NEBL: variants seen among roughly 807,000 people sequenced by gnomAD.
The protein encoded by NEBL is nebulette.
Under a neutral mutation model 140.2 loss-of-function variants are expected in NEBL, and 122 were observed. That is an observed-to-expected ratio of 0.87 (90% CI 0.75 to 1.01). NEBL has a LOEUF of 1.01. NEBL is among the 50% of genes least tolerant of loss of function. The pLI, the probability that NEBL is intolerant of heterozygous loss-of-function variation, is 0.00. For synonymous variants in NEBL, 436 were observed against 398.9 expected, an observed-to-expected ratio of 1.09 and a Z score of -1.11; for missense variants, 1,365 against 1,231.3, an observed-to-expected ratio of 1.11 and a Z score of -1.62.
intron 2 of NEBL, among the ~76,000 whole-genome samples, chr10:21,127,501 T>C (rs1436182539): frequency 1.3e-5 from 2 of 151,974 alleles, no homozygotes; most frequent in Non-Finnish European, 2.9e-5. Context: ...ACAGATACTA[T>C]GTCTCTCCCA....
intron 3 of NEBL, among the ~76,000 whole-genome samples, chr10:21,000,237 G>A (rs1198806809): frequency 9.8e-5 from 13 of 132,602 alleles, no homozygotes; most frequent in East Asian, 2.7e-4. Context: ...CCAGAGGGGG[G>A]CAGAGGGAGC....
chr10:20,842,253 G>C (rs537227164), intron 12 of NEBL, among the ~76,000 whole-genome samples: 2 of 152,160 alleles, frequency 1.3e-5, no homozygotes, highest in East Asian at 1.9e-4. Flanking sequence ...CAAATGACCC[G>C]AGTGAAAGTC....
At chr10:21,184,569 C>T (rs958502112) in intron 3 of NEBL, among the ~76,000 whole-genome samples, 4 of 152,120 alleles carry the variant, frequency 2.6e-5, no homozygotes, top group Non-Finnish European at 5.9e-5. Flanking sequence ...GAGAAAAGAG[C>T]CTTCATTATA....
Position 21,223,856 on chromosome 10 carries a change from G to A in NEBL, n.348+24065C>T, listed in dbSNP as rs189740663. ...TCTTCTTTTGAGAAATGTCTATTCCGATCTTTCACTCATTTTTAATTGAAT... is the reference window on the plus strand; with the variant it reads ...TCTTCTTTTGAGAAATGTCTATTCCAATCTTTCACTCATTTTTAATTGAAT... On this transcript the variant is annotated intron_variant and non_coding_transcript_variant, in intron 3 of 8. Coordinates refer to the NEBL transcript ENST00000675702. Among the ~76,000 whole-genome samples, 881 of 152,158 alleles carry A rather than the reference G, an allele frequency of 5.8e-3. 7 individuals carry two copies. Among genetic ancestry groups the A allele is most frequent in the Non-Finnish European group, 0.01 (688 of 67,996 alleles).
At chr10:20,884,649 G>C (rs74123530) in intron 4 of NEBL, among the ~76,000 whole-genome samples, 2,784 of 152,292 alleles carry the variant, frequency 0.018, 98 homozygotes, top group African/African-American at 0.064. Flanking sequence ...ATATGACACA[G>C]GTAAATGTGC....
intron 3 of NEBL, among the ~76,000 whole-genome samples, chr10:21,190,456 C>T (rs1366719959): frequency 6.6e-6 from 1 of 152,170 alleles, no homozygotes; most frequent in Non-Finnish European, 1.5e-5. Context: ...TGCACTCCAG[C>T]CTGTGCGACA....
At chr10:20,814,669 G>GA (rs1838545438) in intron 22 of NEBL, among the ~76,000 whole-genome samples, 2 of 150,334 alleles carry the variant, frequency 1.3e-5, no homozygotes, top group Admixed American at 6.6e-5. Flanking sequence ...GTTAAACAGA[G>GA]AAAATCCAAA....
At position 21,197,251 on chromosome 10, in the gene NEBL, A is replaced by T. The variant is rs538839797; in HGVS notation, n.349-24774T>A. Among the ~76,000 whole-genome samples the T allele has an allele frequency of 1.6e-4, 25 of 152,356 alleles. No homozygotes were observed. The South Asian group carries it at 5.0e-3, about 30-fold the overall frequency. On this transcript the variant is annotated intron_variant and non_coding_transcript_variant, in intron 3 of 8. Transcript: ENST00000675702. The stretch of plus-strand genomic sequence containing the variant: ...GATGCCCAGGGCCCTGCTGCCAGGA[A>T]TTCTGAAGCTGTAGCTGGCATTTGT...
chr10:21,172,344 G>A lies in NEBL; in HGVS notation c.164+39C>T, dbSNP rs753185309. Reference sequence around the variant, plus strand: ...AGGTCCACTGGCTCTCAAGCTCTGAGGCTGTGCCACACCTGGACAGCGTGT... The same window carrying A: ...AGGTCCACTGGCTCTCAAGCTCTGAAGCTGTGCCACACCTGGACAGCGTGT... On this transcript the variant is annotated intron_variant, in intron 2 of 6. Coordinates refer to the NEBL transcript ENST00000417816. The A allele has an allele frequency of 2.3e-5, 35 of 1,501,950 alleles. 1 individual carries two copies. Among genetic ancestry groups the A allele is most frequent in the Middle Eastern group, 1.7e-4 (1 of 5,850 alleles). The allele number at this position is 1,501,950 out of a possible 1,614,324, so 93.0% of individuals were successfully genotyped here.
chr10:20,821,819 A>G (rs756430455), intron 19 of NEBL, among the ~76,000 whole-genome samples: 27 of 152,288 alleles, frequency 1.8e-4, no homozygotes, highest in East Asian at 5.8e-4. Context: ...CGCTCCTGCC[A>G]TCTTTCACCC....
chr10:20,877,787 G>A (rs1221719982), intron 5 of NEBL, among the ~76,000 whole-genome samples: 1 of 152,086 alleles, frequency 6.6e-6, no homozygotes, highest in Non-Finnish European at 1.5e-5. Context: ...CAATCTGTGG[G>A]CCCTATGTAA....
intron 2 of NEBL, among the ~76,000 whole-genome samples, chr10:21,054,214 G>A (rs1461809180): frequency 6.6e-6 from 1 of 152,098 alleles, no homozygotes; most frequent in Admixed American, 6.6e-5. Context: ...GTGGTTTGGG[G>A]TCCACGTACC....
chr10:21,291,062 T>C (rs571500646), intron 1 of NEBL, among the ~76,000 whole-genome samples: 1 of 152,298 alleles, frequency 6.6e-6, no homozygotes, highest in East Asian at 1.9e-4. Flanking sequence ...TAGACCTCAG[T>C]AAAGTTATTT....
At chr10:20,862,890 ATC>A (rs1843864845) in intron 7 of NEBL, among the ~76,000 whole-genome samples, 1 of 151,884 alleles carries the variant, frequency 6.6e-6, no homozygotes, top group Non-Finnish European at 1.5e-5. Context: ...TTTATTTTTA[ATC>A]TCTGTGGGTA....
chr10:21,039,510 G>A lies in NEBL; in HGVS notation c.165-19309C>T, dbSNP rs183195544. On this transcript the variant is annotated intron_variant, in intron 2 of 6. Transcript: ENST00000417816. Reference sequence around the variant, plus strand: ...TTTCCCCTTTGTTTTTGTCAGGTTTGTTGAAGATCAGATGGTTATAGCTGT... The same window carrying A: ...TTTCCCCTTTGTTTTTGTCAGGTTTATTGAAGATCAGATGGTTATAGCTGT... Among the ~76,000 whole-genome samples, 8 of 152,252 alleles carry A rather than the reference G, an allele frequency of 5.3e-5. No individual in the cohort carries two copies. The East Asian group carries it at 1.5e-3, about 29-fold the overall frequency.
At chr10:21,148,516 GTTTTGT>G (rs915574953) in intron 2 of NEBL, among the ~76,000 whole-genome samples, 7 of 152,100 alleles carry the variant, frequency 4.6e-5, no homozygotes, top group Middle Eastern at 3.4e-3. Flanking sequence ...TGTCGTTGTT[GTTTTGT>G]TTTTGTTTTT....
chr10:21,210,886 C>G (rs1841904610), intron 3 of NEBL, among the ~76,000 whole-genome samples: 1 of 152,148 alleles, frequency 6.6e-6, no homozygotes, highest in Non-Finnish European at 1.5e-5. Flanking sequence ...TTTAAAAAAC[C>G]TGTAGCTTTA....
intron 19 of NEBL, among the ~76,000 whole-genome samples, chr10:20,822,802 T>C (rs974267674): frequency 5.3e-5 from 8 of 152,166 alleles, no homozygotes; most frequent in Admixed American, 1.3e-4. Flanking sequence ...TTAATTATTA[T>C]AGATTCAAAG....
At chr10:21,166,844 C>G (rs373910526) in intron 2 of NEBL, among the ~76,000 whole-genome samples, 9 of 152,348 alleles carry the variant, frequency 5.9e-5, no homozygotes, top group African/African-American at 2.2e-4. Context: ...GGAATTTCAT[C>G]AATCTCCTTG....
Sources: allele counts gnomAD v4.1 joint callset (sites outside exome capture counted in the v4.1 genomes callset), GRCh38; gene constraint gnomAD v4.1.1; transcripts MANE v1.5; gene names NCBI Gene and HGNC (gene_info 2026-07-23, HGNC 2026-07-21).